TENM3: variants seen among roughly 807,000 people sequenced by gnomAD.
TENM3 encodes teneurin-3.
A neutral mutation model predicts 255.1 loss-of-function variants in TENM3; 63 were observed. That is an observed-to-expected ratio of 0.25 (90% CI 0.20 to 0.30). The LOEUF (loss-of-function observed/expected upper bound fraction) is 0.30, where lower values mean the gene tolerates loss of function less well. Among genes scored for constraint, TENM3 ranks in the 10% least tolerant of loss-of-function variants. TENM3 has a pLI of 1.00. For missense variants in TENM3, 2,929 were observed against 3,461.1 expected (o/e 0.85, Z 3.86); for synonymous variants, 1,306 against 1,322.3 (o/e 0.99, Z 0.27).
At chr4:181,604,243 C>G in the TENM3 span, among the ~76,000 whole-genome samples, 2,295 of 151,870 alleles carry the variant, frequency 0.015, 38 homozygotes, top group South Asian at 0.069. Flanking sequence ...CCAGCCTGGG[C>G]GACAGAGCGA....
chr4:182,047,386 A>G, the TENM3 span, among the ~76,000 whole-genome samples: 13 of 151,792 alleles, frequency 8.6e-5, no homozygotes, highest in African/African-American at 3.1e-4. Flanking sequence ...ACATGGTGAA[A>G]CCCCGTTTCT....
At chr4:182,674,737 G>A (rs575956562) in intron 7 of TENM3, among the ~76,000 whole-genome samples, 3 of 151,796 alleles carry the variant, frequency 2.0e-5, no homozygotes, top group Non-Finnish European at 4.4e-5. Flanking sequence ...CACCGCCCCC[G>A]GCTAATTTTT....
the TENM3 span, among the ~76,000 whole-genome samples, chr4:181,843,649 G>T: frequency 6.6e-6 from 1 of 151,834 alleles, no homozygotes; most frequent in Non-Finnish European, 1.5e-5. Context: ...GTAAAGAAAT[G>T]GATCTGGATA....
rs1388927150 is a variant in TENM3 at position 182,324,133 on chromosome 4, A to G, written c.113A>G (p.Gln38Arg). The change falls in exon 2 of 28, where the codon CAG becomes CGG. Residue 38 changes from glutamine to arginine, a missense_variant. Transcript: ENST00000511685. ...ADNEECRVPT[Q>R]KSYSSSETLK... ...AATGAGGAGTGCCGGGTACCCACAC[A>G]GAAGTCCTACAGTTCCAGCGAGACA... 7 of 1,614,040 alleles carry G rather than the reference A, an allele frequency of 4.3e-6. No individual in the cohort carries two copies. The South Asian group carries it at 4.4e-5, about 10-fold the overall frequency.
chr4:181,495,096 A>G, the TENM3 span, among the ~76,000 whole-genome samples: 3 of 152,158 alleles, frequency 2.0e-5, no homozygotes, highest in African/African-American at 7.2e-5. Context: ...GAAAATCAAT[A>G]TAGACATAGA....
intron 1 of TENM3, among the ~76,000 whole-genome samples, chr4:182,278,616 C>T (rs894171315): frequency 4.6e-5 from 7 of 151,282 alleles, no homozygotes; most frequent in African/African-American, 1.7e-4. Flanking sequence ...GCCTACCTCA[C>T]CACTGGCTTA....
chr4:182,066,099 T>C, the TENM3 span, among the ~76,000 whole-genome samples: 1 of 152,202 alleles, frequency 6.6e-6, no homozygotes, highest in Non-Finnish European at 1.5e-5. Flanking sequence ...GCAACTAGTT[T>C]TACGTTCCCA....
At chr4:182,511,856 A>C (rs1737431533) in intron 3 of TENM3, among the ~76,000 whole-genome samples, 1 of 152,210 alleles carries the variant, frequency 6.6e-6, no homozygotes, top group African/African-American at 2.4e-5. Context: ...GCAAGTGCTA[A>C]GTTCTTTTAA....
chr4:182,743,097 A>G, intron 18 of TENM3, 73 bp from the exon 19 acceptor site: 2 of 1,476,162 alleles, frequency 1.4e-6, no homozygotes, highest in Admixed American at 4.4e-5. Flanking sequence ...AGTTAAAACA[A>G]TCATGAACAT....
intron 2 of TENM3, among the ~76,000 whole-genome samples, chr4:182,336,265 G>A (rs1273664686): frequency 1.3e-5 from 2 of 151,950 alleles, no homozygotes; most frequent in Non-Finnish European, 2.9e-5. Context: ...AATGCATACT[G>A]ATTCTTATCA....
At position 182,287,458 on chromosome 4, in the gene TENM3, C is replaced by T. The variant is rs527445910; in HGVS notation, c.-75-36488C>T. ...CACCAGACCCTCATGTCTGCTTCTT[C>T]GTTTCCGTTCCTAAGGAATGAATCC... is the stretch of plus-strand genomic sequence containing the variant. On this transcript the variant is annotated intron_variant, in intron 1 of 27. Coordinates refer to ENST00000511685, the MANE Select transcript of TENM3 (RefSeq NM_001080477.4). Among the ~76,000 whole-genome samples the T allele has an allele frequency of 2.6e-5, 4 of 152,172 alleles. No individual in the cohort carries two copies. In the South Asian group the frequency reaches 6.2e-4, roughly 24 times the overall value.
At chr4:181,586,639 A>G in the TENM3 span, among the ~76,000 whole-genome samples, 1 of 152,086 alleles carries the variant, frequency 6.6e-6, no homozygotes, top group African/African-American at 2.4e-5. Flanking sequence ...CGGGAGTTCA[A>G]GACCAGCCTG....
At chr4:182,549,244 C>A (rs1580900841) in intron 3 of TENM3, among the ~76,000 whole-genome samples, 1 of 152,188 alleles carries the variant, frequency 6.6e-6, no homozygotes. Context: ...TAATTATAGA[C>A]CAAAAAAGTT....
intron 2 of TENM3, among the ~76,000 whole-genome samples, chr4:182,336,820 A>G (rs916950191): frequency 1.4e-5 from 2 of 140,054 alleles, no homozygotes; most frequent in African/African-American, 5.3e-5. Context: ...TTCTCCTTGG[A>G]CTGTTGATGC....
At chr4:181,808,949 A>G in the TENM3 span, among the ~76,000 whole-genome samples, 2 of 152,244 alleles carry the variant, frequency 1.3e-5, no homozygotes, top group African/African-American at 4.8e-5. Context: ...GGAAGTTCCT[A>G]TTAGCATGTA....
the TENM3 span, among the ~76,000 whole-genome samples, chr4:182,026,027 C>T: frequency 2.0e-5 from 3 of 152,078 alleles, no homozygotes; most frequent in East Asian, 1.9e-4. Flanking sequence ...ACCCTGTGTC[C>T]GTGTGTTCTC....
chr4:181,576,948 G>A, the TENM3 span, among the ~76,000 whole-genome samples: 1,585 of 135,114 alleles, frequency 0.012, 16 homozygotes, highest in Non-Finnish European at 0.018. Flanking sequence ...CAAGTAGCTG[G>A]GATTACAGGC....
chr4:182,484,824 TATA>T (rs1210128016), intron 3 of TENM3, among the ~76,000 whole-genome samples: 1 of 152,102 alleles, frequency 6.6e-6, no homozygotes, highest in African/African-American at 2.4e-5. Context: ...TTTATGGAAT[TATA>T]AGACAAAATT....
rs908096312 is a variant in TENM3 at position 182,638,393 on chromosome 4, C to T, written c.988+9504C>T. On this transcript the variant is annotated intron_variant, in intron 5 of 27. Coordinates refer to ENST00000511685, the MANE Select transcript of TENM3 (RefSeq NM_001080477.4). ...ATCGCAAAAGCTGTTTGGAGATAAGCGTCATGTTGCCCTGTGTTTGATAAC... is the reference window on the plus strand; with the variant it reads ...ATCGCAAAAGCTGTTTGGAGATAAGTGTCATGTTGCCCTGTGTTTGATAAC... Among the ~76,000 whole-genome samples, 3 of 152,164 alleles carry T rather than the reference C, an allele frequency of 2.0e-5. No individual in the cohort carries two copies. In the South Asian group the frequency reaches 6.2e-4, roughly 32 times the overall value.
Sources: gnomAD v4.1 joint callset for allele counts (sites outside exome capture counted in the v4.1 genomes callset) on GRCh38, gnomAD v4.1.1 for gene constraint, MANE v1.5 for transcripts, NCBI Gene and HGNC (gene_info 2026-07-23, HGNC 2026-07-21) for gene names.